RBFOX1: variants seen among roughly 807,000 people sequenced by gnomAD.
The protein encoded by RBFOX1 is RNA binding protein fox-1 homolog 1.
A neutral mutation model predicts 57.7 loss-of-function variants in RBFOX1; 8 were observed. The observed-to-expected ratio is 0.14, with a 90% CI of 0.08 to 0.25. The LOEUF (loss-of-function observed/expected upper bound fraction) is 0.25. Among genes scored for constraint, RBFOX1 ranks in the 10% least tolerant of loss-of-function variants. The probability of loss-of-function intolerance (pLI) is 1.00; values close to 1 mark genes in which losing one functional copy is unlikely to be tolerated. For synonymous variants in RBFOX1, 326 were observed against 222.4 expected (o/e 1.47, Z -4.15); for missense variants, 611 against 548.5 (o/e 1.11, Z -1.14).
chr16:5,501,364 T>C (rs1424644221), intron 2 of RBFOX1, among the ~76,000 whole-genome samples: 1 of 148,480 alleles, frequency 6.7e-6, no homozygotes, highest in East Asian at 2.0e-4. Flanking sequence ...TTATCAATTA[T>C]CTATTCCCCA....
intron 2 of RBFOX1, among the ~76,000 whole-genome samples, chr16:6,387,586 G>A (rs2092365398): frequency 1.3e-5 from 2 of 152,094 alleles, no homozygotes; most frequent in Non-Finnish European, 1.5e-5. Context: ...CATAAAACAG[G>A]CACCAGCTCA....
chr16:7,200,099 G>C (rs2087934112), intron 4 of RBFOX1, among the ~76,000 whole-genome samples: 1 of 152,178 alleles, frequency 6.6e-6, no homozygotes, highest in Non-Finnish European at 1.5e-5. Context: ...TAGTGTCAGG[G>C]ACATGAACAC....
chr16:6,542,507 T>TTTTTTTTTTTTTTTTA (rs3066933), intron 2 of RBFOX1, among the ~76,000 whole-genome samples: 1 of 107,042 alleles, frequency 9.3e-6, no homozygotes, highest in South Asian at 3.3e-4. Context: ...TTTTTTTTTT[T>TTTTTTTTTTTTTTTTA]GAGCAGGAGT....
chr16:7,455,933 A>G (rs1379078513), intron 4 of RBFOX1, among the ~76,000 whole-genome samples: 2 of 152,254 alleles, frequency 1.3e-5, no homozygotes, highest in East Asian at 3.9e-4. Flanking sequence ...CTATTAGGTA[A>G]ATATTATTAA....
chr16:7,683,668 C>A (rs894930863), intron 14 of RBFOX1, among the ~76,000 whole-genome samples: 3 of 151,972 alleles, frequency 2.0e-5, no homozygotes, highest in African/African-American at 7.2e-5. Flanking sequence ...GGTCGCAGAT[C>A]ATTGACTTGA....
chr16:6,826,446 TG>T (rs2154281254), intron 3 of RBFOX1, among the ~76,000 whole-genome samples: 1 of 151,906 alleles, frequency 6.6e-6, no homozygotes, highest in Admixed American at 6.5e-5. Flanking sequence ...GTAATTCCCA[TG>T]GGTTGTTAAG....
chr16:6,842,005 T>TGGTGGCGGGCGC (rs2093491849), intron 3 of RBFOX1, among the ~76,000 whole-genome samples: 1 of 149,682 alleles, frequency 6.7e-6, no homozygotes, highest in Non-Finnish European at 1.5e-5. Flanking sequence ...TAGCCGGGCG[T>TGGTGGCGGGCGC]GGTGGCGGGC....
intron 4 of RBFOX1, among the ~76,000 whole-genome samples, chr16:5,919,026 A>T (rs781077805): frequency 1.3e-5 from 2 of 152,206 alleles, no homozygotes; most frequent in African/African-American, 4.8e-5. Flanking sequence ...TTTGCCTCTC[A>T]GGAAGGAATC....
At chr16:5,899,144 C>CAAAA (rs35163906) in intron 4 of RBFOX1, among the ~76,000 whole-genome samples, 3 of 100,074 alleles carry the variant, frequency 3.0e-5, no homozygotes, top group East Asian at 2.8e-4. Flanking sequence ...GACCCTGTCT[C>CAAAA]AAAAAAAAAA....
At chr16:6,203,545 A>G (rs1009067933) in intron 1 of RBFOX1, among the ~76,000 whole-genome samples, 3 of 152,196 alleles carry the variant, frequency 2.0e-5, no homozygotes, top group Non-Finnish European at 2.9e-5. Flanking sequence ...TGCAATGAAC[A>G]TGGAAATGCA....
chr16:7,064,968 G>A (rs1007963296), intron 4 of RBFOX1, among the ~76,000 whole-genome samples: 1 of 152,144 alleles, frequency 6.6e-6, no homozygotes, highest in Non-Finnish European at 1.5e-5. Flanking sequence ...TGATGTCCTT[G>A]GCTCCCTGTG....
At chr16:7,559,221 T>G (rs1385270342) in intron 5 of RBFOX1, among the ~76,000 whole-genome samples, 1 of 152,200 alleles carries the variant, frequency 6.6e-6, no homozygotes, top group African/African-American at 2.4e-5. Context: ...TATCAAATAG[T>G]CAGTGGTGAG....
At chr16:6,854,873 C>T (rs1020810506) in intron 3 of RBFOX1, among the ~76,000 whole-genome samples, 4 of 152,060 alleles carry the variant, frequency 2.6e-5, no homozygotes, top group African/African-American at 9.6e-5. Flanking sequence ...GGATTACAGG[C>T]GTGAGCCACC....
At chr16:6,576,298 G>C (rs1173723988) in intron 2 of RBFOX1, among the ~76,000 whole-genome samples, 1 of 152,134 alleles carries the variant, frequency 6.6e-6, no homozygotes, top group Non-Finnish European at 1.5e-5. Context: ...ATGCTGAGAC[G>C]ACGTAGACAT....
intron 4 of RBFOX1, among the ~76,000 whole-genome samples, chr16:7,232,942 C>T (rs766866206): frequency 2.0e-5 from 3 of 151,962 alleles, no homozygotes; most frequent in Non-Finnish European, 4.4e-5. Flanking sequence ...TTTGTATTCC[C>T]ATATTTCTCA....
rs541897621 is a variant in RBFOX1, at chr16:7,596,100, T to G, written c.561+459T>G. Among the ~76,000 whole-genome samples, 860 of 131,276 alleles carry G rather than the reference T, an allele frequency of 6.6e-3. 6 individuals carry two copies. Among genetic ancestry groups the G allele is most frequent in the African/African-American group, 0.01 (281 of 27,532 alleles). 86.1% of individuals were successfully genotyped at this position (131,276 alleles called of 152,430 possible). Reference sequence around the variant, plus strand: ...AAAGATTGTTTTTTTGTTTGTTTTTTTTTGTTTGTTTGTTTGTTTTTTGTG... The same window carrying G: ...AAAGATTGTTTTTTTGTTTGTTTTTGTTTGTTTGTTTGTTTGTTTTTTGTG... On this transcript the variant is annotated intron_variant, in intron 8 of 15. Transcript: ENST00000550418.
chr16:5,291,081 G>C (rs1455439737), intron 1 of RBFOX1, among the ~76,000 whole-genome samples: 1 of 152,192 alleles, frequency 6.6e-6, no homozygotes, highest in Non-Finnish European at 1.5e-5. Context: ...GCTGGAGAAA[G>C]AGAGGGGCTA....
At chr16:6,967,676 G>T (rs2084580464) in intron 3 of RBFOX1, among the ~76,000 whole-genome samples, 1 of 151,930 alleles carries the variant, frequency 6.6e-6, no homozygotes, top group Non-Finnish European at 1.5e-5. Context: ...TCTTCTAAGG[G>T]CCTGGTTCAA....
At chr16:7,011,833 T>C (rs930761456) in intron 3 of RBFOX1, among the ~76,000 whole-genome samples, 7 of 152,148 alleles carry the variant, frequency 4.6e-5, no homozygotes, top group Non-Finnish European at 8.8e-5. Flanking sequence ...TTTTGGACAG[T>C]GATATCAGTC....
Sources: allele counts gnomAD v4.1 joint callset (sites outside exome capture counted in the v4.1 genomes callset), GRCh38; gene constraint gnomAD v4.1.1; transcripts MANE v1.5; gene names NCBI Gene and HGNC (gene_info 2026-07-23, HGNC 2026-07-21).